The following SMYD3 variants were observed in gnomAD, a reference collection of about 807,000 sequenced individuals.
SMYD3 encodes histone-lysine N-methyltransferase SMYD3.
In SMYD3, 36 loss-of-function variants were observed where a neutral mutation model predicts 57.7. The observed-to-expected ratio is 0.62, with a 90% CI of 0.48 to 0.82. SMYD3 has a LOEUF of 0.82. Ranked by LOEUF, SMYD3 falls within the 40% of genes least tolerant of loss-of-function variation. The pLI is 0.00. For missense variants in SMYD3, 515 were observed against 538.8 expected (o/e 0.96, Z 0.44); for synonymous variants, 211 against 195.0 (o/e 1.08, Z -0.68).
At chr1:245,969,211 G>A (rs987766504) in intron 5 of SMYD3, among the ~76,000 whole-genome samples, 6 of 152,146 alleles carry the variant, frequency 3.9e-5, no homozygotes, top group African/African-American at 1.4e-4. Flanking sequence ...AAATCAACAC[G>A]GGTTTGCTGT....
chr1:246,132,810 A>C (rs2061607004), intron 5 of SMYD3, among the ~76,000 whole-genome samples: 1 of 152,140 alleles, frequency 6.6e-6, no homozygotes, highest in Non-Finnish European at 1.5e-5. Flanking sequence ...CCAATTTTTA[A>C]AATGGGGAAA....
chr1:245,860,607 G>A (rs1352495833), intron 9 of SMYD3, among the ~76,000 whole-genome samples: 1 of 152,198 alleles, frequency 6.6e-6, no homozygotes, highest in Non-Finnish European at 1.5e-5. Context: ...GATGAGTCCC[G>A]TCTTGGAGGA....
chr1:245,751,430 C>G (rs1355009362), intron 11 of SMYD3, among the ~76,000 whole-genome samples: 1 of 152,132 alleles, frequency 6.6e-6, no homozygotes, highest in African/African-American at 2.4e-5. Flanking sequence ...TAATTTCAAC[C>G]TCTGTTTCTG....
intron 10 of SMYD3, among the ~76,000 whole-genome samples, chr1:245,806,516 C>T (rs1365284821): frequency 6.6e-6 from 1 of 152,140 alleles, no homozygotes; most frequent in Non-Finnish European, 1.5e-5. Context: ...ATACCTGAAC[C>T]CTTCCTTGCT....
chr1:245,803,507 G>A (rs1170328445), intron 10 of SMYD3, among the ~76,000 whole-genome samples: 1 of 152,200 alleles, frequency 6.6e-6, no homozygotes, highest in Non-Finnish European at 1.5e-5. Flanking sequence ...CCCCCCAGTG[G>A]CTGGGGAAAG....
chr1:245,879,202 A>G (rs552848080), intron 8 of SMYD3, among the ~76,000 whole-genome samples: 12 of 152,328 alleles, frequency 7.9e-5, no homozygotes, highest in Non-Finnish European at 1.5e-5. Context: ...TAGTCTGTAC[A>G]AGGTTCACGT....
intron 5 of SMYD3, among the ~76,000 whole-genome samples, chr1:246,316,539 TGG>T (rs2065160953): frequency 7.4e-6 from 1 of 135,106 alleles, no homozygotes; most frequent in Non-Finnish European, 1.5e-5. Context: ...TTTGTTGTTT[TGG>T]TTTTTTTTTT....
chr1:246,014,679 C>G (rs1191833088), intron 5 of SMYD3, among the ~76,000 whole-genome samples: 1 of 152,076 alleles, frequency 6.6e-6, no homozygotes, highest in Non-Finnish European at 1.5e-5. Context: ...TTGTAGATAA[C>G]TTCTTTTAAT....
rs188918832 is a variant in SMYD3, at chr1:246,485,544, G to A, written c.164+21510C>T. Among the ~76,000 whole-genome samples, 200 of 152,280 alleles carry A rather than the reference G, an allele frequency of 1.3e-3. 1 individual carries two copies. The highest frequency in any genetic ancestry group is 1.3e-3 in the East Asian group (7 of 5,186). The stretch of plus-strand genomic sequence containing the variant: ...CACTTATAATTCCAACACTTTGGGA[G>A]GCTGATGCAAGAGGATCACTTGAGG... On this transcript the variant is annotated intron_variant, in intron 1 of 11. Transcript: ENST00000490107.
In SMYD3 at chr1:246,238,799, T is replaced by C. The variant is rs142129502; in HGVS notation, c.531+88402A>G. ...TTAGATAAAAAATAGCTTATATCCATGCATATTTGAGTATCTTTCTATCAC... is the reference window on the plus strand; with the variant it reads ...TTAGATAAAAAATAGCTTATATCCACGCATATTTGAGTATCTTTCTATCAC... On this transcript the variant is annotated intron_variant, in intron 5 of 11. Transcript: ENST00000490107. Among the ~76,000 whole-genome samples the C allele has an allele frequency of 7.9e-5, 12 of 152,220 alleles. No individual in the cohort carries two copies. The East Asian group carries it at 2.1e-3, about 27-fold the overall frequency.
intron 5 of SMYD3, among the ~76,000 whole-genome samples, chr1:246,075,989 G>A (rs567422842): frequency 2.1e-5 from 3 of 145,510 alleles, no homozygotes; most frequent in Non-Finnish European, 3.0e-5. Context: ...CAAAAGAACC[G>A]AAAGATAATA....
intron 7 of SMYD3, among the ~76,000 whole-genome samples, chr1:245,925,255 T>A (rs2056288513): frequency 1.3e-5 from 2 of 152,240 alleles, no homozygotes; most frequent in South Asian, 4.1e-4. Flanking sequence ...GTCCAGGTAC[T>A]ATTTTGCTAC....
intron 5 of SMYD3, among the ~76,000 whole-genome samples, chr1:246,320,127 C>CTTA (rs2065222124): frequency 6.6e-6 from 1 of 151,954 alleles, no homozygotes; most frequent in African/African-American, 2.4e-5. Context: ...CGTTTTAACA[C>CTTA]CTTCACAGCT....
At chr1:246,120,123 G>C (rs758406002) in intron 5 of SMYD3, among the ~76,000 whole-genome samples, 1 of 152,128 alleles carries the variant, frequency 6.6e-6, no homozygotes, top group African/African-American at 2.4e-5. Context: ...ACGCCTGTTT[G>C]TTCACATTCT....
At chr1:246,495,822 C>T (rs114721744) in intron 1 of SMYD3, among the ~76,000 whole-genome samples, 2,517 of 151,524 alleles carry the variant, frequency 0.017, 66 homozygotes, top group African/African-American at 0.058. Context: ...GGTGGTGGCA[C>T]GCATCTGTGG....
At chr1:246,307,509 T>A (rs1159659306) in intron 5 of SMYD3, among the ~76,000 whole-genome samples, 5 of 136,742 alleles carry the variant, frequency 3.7e-5, no homozygotes, top group South Asian at 4.9e-4. Context: ...AAGCTCCGCC[T>A]CCCGGGTTCA....
intron 10 of SMYD3, among the ~76,000 whole-genome samples, chr1:245,849,904 T>C (rs1218176341): frequency 6.6e-6 from 1 of 152,288 alleles, no homozygotes; most frequent in African/African-American, 2.4e-5. Flanking sequence ...ATGCCTGCCT[T>C]GGCCTCCCAA....
At chr1:245,914,988 T>C (rs1042008011) in intron 8 of SMYD3, among the ~76,000 whole-genome samples, 2 of 152,102 alleles carry the variant, frequency 1.3e-5, no homozygotes, top group African/African-American at 4.8e-5. Flanking sequence ...GAGGGCACTT[T>C]TTTGGGAAAC....
intron 5 of SMYD3, among the ~76,000 whole-genome samples, chr1:246,078,332 T>G (rs991817227): frequency 6.6e-6 from 1 of 152,108 alleles, no homozygotes; most frequent in Non-Finnish European, 1.5e-5. Flanking sequence ...TGAAACCAAC[T>G]TGTTTAACCT....
Sources: gnomAD v4.1 joint callset for allele counts (sites outside exome capture counted in the v4.1 genomes callset) on GRCh38, gnomAD v4.1.1 for gene constraint, MANE v1.5 for transcripts, NCBI Gene and HGNC (gene_info 2026-07-23, HGNC 2026-07-21) for gene names.